Variants in TEX9 observed in about 807,000 individuals in gnomAD.
TEX9 encodes the protein testis-expressed protein 9.
TEX9 carries 74 observed loss-of-function variants against 59.6 expected under a neutral mutation model. The observed-to-expected ratio is 1.24, with a 90% CI of 1.03 to 1.51. The LOEUF is 1.51. Among genes scored for constraint, TEX9 ranks in the 40% most tolerant of loss-of-function variants. The pLI, the probability that TEX9 is intolerant of heterozygous loss-of-function variation, is 0.00. For missense variants in TEX9, 522 were observed against 447.8 expected, an observed-to-expected ratio of 1.17 and a Z score of -1.49; for synonymous variants, 186 against 152.2, an observed-to-expected ratio of 1.22 and a Z score of -1.64.
At position 56,309,904 on chromosome 15, in the gene TEX9, G is replaced by A. The variant is rs527325640; in HGVS notation, c.-106-63537G>A. Among the ~76,000 whole-genome samples, 3 of 151,788 alleles carry A rather than the reference G, an allele frequency of 2.0e-5. No homozygotes were observed. The South Asian group carries it at 6.3e-4, about 32-fold the overall frequency. ...AAAAATCCCAAAAAGCTGGAGGTGG[G>A]CACTGGGAGAAGGGGAGGTGGTAGC... On this transcript the variant is annotated intron_variant, in intron 1 of 5. Coordinates refer to the TEX9 transcript ENST00000560827.
At chr15:56,356,436 T>A (rs2046686217) in intron 1 of TEX9, among the ~76,000 whole-genome samples, 1 of 152,150 alleles carries the variant, frequency 6.6e-6, no homozygotes, top group African/African-American at 2.4e-5. Flanking sequence ...TTTATCATCT[T>A]GTTTGCTCAC....
At chr15:56,459,990 CAAAAAA>C in the TEX9 span, among the ~76,000 whole-genome samples, 2 of 11,112 alleles carry the variant, frequency 1.8e-4, no homozygotes, top group African/African-American at 8.9e-4. Flanking sequence ...AATTCTGTCT[CAAAAAA>C]AAAAAAAAAA....
intron 9 of TEX9, chr15:56,409,806 T>C (rs185316674): frequency 2.4e-4 from 37 of 152,392 alleles, no homozygotes; most frequent in African/African-American, 8.4e-4. Context: ...CTCCCTAAGA[T>C]TTTTACTTAA....
intron 9 of TEX9, among the ~76,000 whole-genome samples, chr15:56,402,340 C>T (rs984026574): frequency 1.3e-5 from 2 of 152,176 alleles, no homozygotes; most frequent in East Asian, 3.8e-4. Context: ...AGACTATCAT[C>T]AGAGAATACT....
At chr15:56,372,772 T>C (rs558706745) in intron 2 of TEX9, among the ~76,000 whole-genome samples, 82 of 152,286 alleles carry the variant, frequency 5.4e-4, no homozygotes, top group Non-Finnish European at 9.8e-4. Flanking sequence ...AAACAATTTT[T>C]TTCAATAATA....
intron 9 of TEX9, among the ~76,000 whole-genome samples, chr15:56,410,610 C>G (rs1321276404): frequency 6.6e-6 from 1 of 152,094 alleles, no homozygotes; most frequent in East Asian, 1.9e-4. Flanking sequence ...TTACTTCCTA[C>G]TTTACTATTC....
At chr15:56,268,758 C>T (rs574417710) in intron 1 of TEX9, among the ~76,000 whole-genome samples, 1 of 151,974 alleles carries the variant, frequency 6.6e-6, no homozygotes, top group African/African-American at 2.4e-5. Context: ...GGCATCAATG[C>T]TCATCAGAGA....
chr15:56,296,826 T>G (rs1818425496), intron 1 of TEX9, among the ~76,000 whole-genome samples: 1 of 152,346 alleles, frequency 6.6e-6, no homozygotes, highest in South Asian at 2.1e-4. Context: ...CTTTTTTTTC[T>G]TTTTCTTTTT....
At chr15:56,278,786 G>A (rs2044743436) in intron 1 of TEX9, among the ~76,000 whole-genome samples, 1 of 145,772 alleles carries the variant, frequency 6.9e-6, no homozygotes, top group Non-Finnish European at 1.5e-5. Flanking sequence ...GACAACCTCA[G>A]CTACCAAGAG....
chr15:56,272,958 T>C (rs575191430), intron 1 of TEX9, among the ~76,000 whole-genome samples: 11 of 151,784 alleles, frequency 7.2e-5, no homozygotes, highest in African/African-American at 2.7e-4. Flanking sequence ...TTGTTGTTGT[T>C]GTTGTTGAGA....
rs150002916 is a variant in TEX9, at chr15:56,401,263, C to A, written c.828+6429C>A. On this transcript the variant is annotated intron_variant, in intron 9 of 12. Transcript: ENST00000352903. ...TCTCATGTGCAGAGACACACACAGG[C>A]TCAAAATAAAGGGATGGAGGAAGAC... Among the ~76,000 whole-genome samples the A allele has an allele frequency of 4.1e-3, 497 of 121,324 alleles. 3 individuals are homozygous for A. Among genetic ancestry groups the A allele is most frequent in the African/African-American group, 0.015 (470 of 31,360 alleles). The allele number at this position is 121,324 out of a possible 152,430, so 79.6% of individuals were successfully genotyped here. A position where few individuals can be genotyped will look rare whatever the true frequency, so the allele number is the denominator to read the frequency against.
At chr15:56,435,872 C>T (rs904941751) in intron 12 of TEX9, among the ~76,000 whole-genome samples, 9 of 151,914 alleles carry the variant, frequency 5.9e-5, no homozygotes, top group Non-Finnish European at 8.8e-5. Context: ...CAATATTCCT[C>T]GTGAATATGG....
At chr15:56,301,211 A>G (rs1379408178) in intron 1 of TEX9, among the ~76,000 whole-genome samples, 5 of 152,350 alleles carry the variant, frequency 3.3e-5, no homozygotes, top group African/African-American at 1.2e-4. Context: ...GAAAAATGCA[A>G]TGGGCATATT....
exon 13 of TEX9, chr15:56,445,785 C>G (rs1358066048): frequency 6.6e-6 from 1 of 151,728 alleles, no homozygotes; most frequent in Non-Finnish European, 1.5e-5. Context: ...TGGAAAATAG[C>G]AGCAATTCTC....
intron 1 of TEX9, among the ~76,000 whole-genome samples, chr15:56,319,605 A>G (rs1567084355): frequency 1.3e-5 from 2 of 151,926 alleles, no homozygotes; most frequent in South Asian, 2.1e-4. Context: ...CATTTTCTTC[A>G]TATTAATTTA....
At chr15:56,340,729 TTCC>T (rs1156548880) in intron 1 of TEX9, among the ~76,000 whole-genome samples, 2 of 152,146 alleles carry the variant, frequency 1.3e-5, no homozygotes, top group Admixed American at 6.5e-5. Context: ...GCTCATCCAT[TTCC>T]TCCTTTATCA....
At chr15:56,283,772 GTTAAAA>G (rs1406544358) in intron 1 of TEX9, among the ~76,000 whole-genome samples, 6 of 152,006 alleles carry the variant, frequency 3.9e-5, no homozygotes, top group South Asian at 2.1e-4. Context: ...AAAAACCATA[GTTAAAA>G]TTAAGAGACA....
chr15:56,401,435 AGAG>A (rs1259957667), intron 9 of TEX9, among the ~76,000 whole-genome samples: 1 of 152,204 alleles, frequency 6.6e-6, no homozygotes, highest in African/African-American at 2.4e-5. Context: ...TTCAACAAGA[AGAG>A]CTAACTATCC....
At chr15:56,443,704 T>G (rs775198247) in intron 12 of TEX9, 28 of 1,613,442 alleles carry the variant, frequency 1.7e-5, no homozygotes, top group Non-Finnish European at 1.5e-5. Flanking sequence ...CTTCTTCTCT[T>G]TGCTGCTGCA....
Sources: allele counts gnomAD v4.1 joint callset (sites outside exome capture counted in the v4.1 genomes callset), GRCh38; gene constraint gnomAD v4.1.1; transcripts MANE v1.5; gene names NCBI Gene and HGNC (gene_info 2026-07-23, HGNC 2026-07-21).